CYLC1: variants seen among roughly 807,000 people sequenced by gnomAD.
CYLC1 encodes cylicin-1.
A neutral mutation model predicts 31.6 loss-of-function variants in CYLC1; 2 were observed. The observed-to-expected ratio is 0.06, with a 90% CI of 0.03 to 0.20. The LOEUF (loss-of-function observed/expected upper bound fraction) is 0.20. Among genes scored for constraint, CYLC1 ranks in the 10% least tolerant of loss-of-function variants. CYLC1 has a pLI of 1.00. For missense variants in CYLC1, 595 were observed against 424.1 expected (o/e 1.40, Z -3.54); for synonymous variants, 185 against 153.0 (o/e 1.21, Z -1.54).
chrX:83,874,880 C>T (rs192491956), intron 4 of CYLC1, among the ~76,000 whole-genome samples: 1,313 of 108,931 alleles, frequency 0.012, 21 homozygotes, highest in African/African-American at 0.042. Context: ...TTTAAGAAAA[C>T]GTGAAGTTAT....
In CYLC1 at chrX:83,877,877, CAT is replaced by C. The variant is rs763314367; in HGVS notation, c.1923+3264_1923+3265del. On this transcript the variant is annotated intron_variant, in intron 4 of 4. Coordinates refer to ENST00000329312, the MANE Select transcript of CYLC1 (RefSeq NM_021118.3). ...AGGCAGTGAATCTAGCCTGTTTTTT[CAT>C]ATATATATATATATATACAAATATA... 1.8e-3 allele frequency among the ~76,000 whole-genome samples: 102 copies of C among 57,378 alleles called. 1 individual carries two copies. The highest frequency in any genetic ancestry group is 2.7e-3 in the African/African-American group (44 of 16,017). The allele number at this position is 57,378 out of a possible 115,157, so 49.8% of individuals were successfully genotyped here. A position where few individuals can be genotyped will look rare whatever the true frequency, so the allele number is the denominator to read the frequency against.
chrX:83,864,805 A>C (rs1043379045), intron 1 of CYLC1: 2 of 237,368 alleles, frequency 8.4e-6, no homozygotes, highest in Non-Finnish European at 1.6e-5. Flanking sequence ...CCTTCATGAA[A>C]TATTCTTCTC....
intron 4 of CYLC1, among the ~76,000 whole-genome samples, chrX:83,885,152 T>C (rs955606941): frequency 4.5e-5 from 5 of 111,178 alleles, no homozygotes; most frequent in Admixed American, 3.9e-4. Context: ...ACATTTCTAG[T>C]GCCTCTCCCA....
At chrX:83,871,767 C>T (rs1317694199) in intron 3 of CYLC1, among the ~76,000 whole-genome samples, 197 bp downstream of exon 3, 2 of 110,709 alleles carry the variant, frequency 1.8e-5, no homozygotes, top group Non-Finnish European at 3.8e-5. Flanking sequence ...ACATCAAAGA[C>T]ATTATCTAAG....
chrX:83,874,357 A>G lies in CYLC1; in HGVS notation c.1649A>G (p.Tyr550Cys), dbSNP rs1569334575. Residue 550 changes from tyrosine to cysteine, a missense_variant, in exon 4 of 5, where the codon TAT becomes TGT. By Grantham distance (194) the Tyr-to-Cys change is radical. Coordinates refer to ENST00000329312, the MANE Select transcript of CYLC1 (RefSeq NM_021118.3). ...GSDTESEESL[Y>C]KPGAKKKIDE... is the part of the protein sequence containing the mutation. ...GATACTGAATCTGAAGAGTCACTAT[A>G]TAAACCTGGGGCTAAGAAGAAAATT... The G allele has an allele frequency of 8.3e-7, 1 of 1,208,205 alleles. No individual in the cohort carries two copies. Among genetic ancestry groups the G allele is most frequent in the African/African-American group, 1.8e-5 (1 of 57,104 alleles).
In CYLC1 at chrX:83,874,274, T is replaced by A. The variant is rs758626093; in HGVS notation, c.1566T>A (p.Ala522=). 8.3e-7 allele frequency: 1 copy of A among 1,209,578 alleles called. No homozygotes were observed. Residue 522 remains alanine (A), a synonymous_variant, in exon 4 of 5, where the codon GCT becomes GCA. Transcript: ENST00000329312. ...DARKDTESTD[A]EFDESSKTGF... is the part of the protein sequence containing the mutation. The stretch of plus-strand genomic sequence containing the variant: ...GAAAGGACACAGAGTCTACTGATGC[T>A]GAATTTGATGAATCTTCCAAGACAG...
rs1338506891 is a variant in CYLC1, at chrX:83,871,545, C to T, written c.152C>T (p.Pro51Leu). ...LQRGTNDKSRPLKSQITVTRH... is the reference protein window; with the variant it reads ...LQRGTNDKSRLLKSQITVTRH... ...AGAGGTACAAATGATAAATCAAGAC[C>T]TTTGAAATCACAAATAACAGTTACT... The change falls in exon 3 of 5, where the codon CCT (proline) becomes CTT (leucine). Residue 51 changes from proline (P) to leucine (L), a missense_variant. By Grantham distance (98) the Pro-to-Leu change is moderately conservative (BLOSUM62 -3). Coordinates refer to ENST00000329312, the MANE Select transcript of CYLC1 (RefSeq NM_021118.3). The T allele has an allele frequency of 1.7e-6, 2 of 1,192,262 alleles. No individual in the cohort carries two copies. Among genetic ancestry groups the T allele is most frequent in the Admixed American group, 2.3e-5 (1 of 43,311 alleles).
In CYLC1 at chrX:83,872,973, C is replaced by G; in HGVS notation, c.265C>G (p.Pro89Ala). Residue 89 changes from proline to alanine, a missense_variant, in exon 4 of 5, where the codon CCC (proline) becomes GCC (alanine). By Grantham distance (27) the Pro-to-Ala change is conservative. Transcript: ENST00000329312. ...HSFRKILQWP[P>A]IYTAAREQTP... ...TTTCAGAAAAATTTTGCAATGGCCA[C>G]CCATTTACACAGCTGCCAGGGAACA... 1 of 1,203,770 alleles carries G rather than the reference C, an allele frequency of 8.3e-7. No individual in the cohort carries two copies. The highest frequency in any genetic ancestry group is 1.1e-6 in the Non-Finnish European group (1 of 892,120).
chrX:83,878,445 ATATATATAAAT>A (rs2031855852), intron 4 of CYLC1, among the ~76,000 whole-genome samples: 3 of 52,627 alleles, frequency 5.7e-5, no homozygotes, highest in Non-Finnish European at 9.3e-5. Flanking sequence ...ATATATATAA[ATATATATAAAT>A]ATATATAAAT....
intron 2 of CYLC1, among the ~76,000 whole-genome samples, chrX:83,870,583 TTG>T (rs2031649473): frequency 8.9e-6 from 1 of 111,942 alleles, no homozygotes; most frequent in Non-Finnish European, 1.9e-5. Context: ...ATTCAAAGCA[TTG>T]TTGTAAAGAT....
At chrX:83,881,755 C>T (rs554636243) in intron 4 of CYLC1, among the ~76,000 whole-genome samples, 2 of 99,627 alleles carry the variant, frequency 2.0e-5, no homozygotes, top group South Asian at 9.6e-4. Flanking sequence ...GACAGAGTCT[C>T]GCGCGATCTC....
Position 83,869,890 on chromosome X carries a change from G to T in CYLC1, c.43G>T (p.Asp15Tyr). 1 of 831,807 alleles carries T rather than the reference G, an allele frequency of 1.2e-6. No homozygotes were observed. The highest frequency in any genetic ancestry group is 1.6e-6 in the Non-Finnish European group (1 of 633,498). 68.6% of individuals were successfully genotyped at this position (831,807 alleles called of 1,213,427 possible). A position where few individuals can be genotyped will look rare whatever the true frequency, so the allele number is the denominator to read the frequency against. Reference sequence around the variant, plus strand: ...GCTAAAAGTAAACATCAGAACATATGATAATTCCATTCCAAGTAAGAATTT... The same window carrying T: ...GCTAAAAGTAAACATCAGAACATATTATAATTCCATTCCAAGTAAGAATTT... ...RLLKVNIRTY[D>Y]NSIPISESSR... Residue 15 changes from aspartate (D) to tyrosine (Y), a missense_variant, in exon 2 of 5, where the codon GAT becomes TAT. Coordinates refer to ENST00000329312, the MANE Select transcript of CYLC1 (RefSeq NM_021118.3).
chrX:83,864,662 C>T (rs1200377095), intron 1 of CYLC1: 3 of 310,235 alleles, frequency 9.7e-6, no homozygotes, highest in Non-Finnish European at 1.2e-5. Context: ...GATTCCCAGA[C>T]CCATTACTGG....
At chrX:83,861,674 A>G (rs1433159238) in intron 1 of CYLC1, among the ~76,000 whole-genome samples, 4 of 112,032 alleles carry the variant, frequency 3.6e-5, no homozygotes, top group Non-Finnish European at 7.5e-5. Flanking sequence ...TTCATTAAGT[A>G]GAAGATAAAG....
chrX:83,866,777 A>G (rs1225787394), intron 1 of CYLC1, among the ~76,000 whole-genome samples: 3 of 111,294 alleles, frequency 2.7e-5, no homozygotes, highest in African/African-American at 9.8e-5. Context: ...CCCACTCAGC[A>G]TTCTCTCTGG....
Position 83,873,791 on chromosome X carries a change from G to A in CYLC1, c.1083G>A (p.Lys361=). The change falls in exon 4 of 5, where the codon AAG becomes AAA. Residue 361 remains lysine, a synonymous_variant. Coordinates refer to ENST00000329312, the MANE Select transcript of CYLC1 (RefSeq NM_021118.3). ...AATTAAAGAAAGATGACAAGAAAAA[G>A]GACACAAAGAAGTACCCAGAGTCTA... ...KKKLKKDDKK[K]DTKKYPESTD... 3.4e-6 allele frequency: 4 copies of A among 1,189,199 alleles called. No homozygotes were observed. The highest frequency in any genetic ancestry group is 3.4e-6 in the Non-Finnish European group (3 of 883,358).
intron 4 of CYLC1, among the ~76,000 whole-genome samples, chrX:83,879,205 T>C (rs1482024321): frequency 9.1e-6 from 1 of 110,295 alleles, no homozygotes; most frequent in Non-Finnish European, 1.9e-5. Flanking sequence ...CAATATAAAA[T>C]ACGTAAAGAA....
At chrX:83,875,135 T>C (rs770066924) in intron 4 of CYLC1, among the ~76,000 whole-genome samples, 12 of 111,420 alleles carry the variant, frequency 1.1e-4, no homozygotes, top group Non-Finnish European at 2.1e-4. Flanking sequence ...CTCAAGTGGA[T>C]TTTTTATGAG....
chrX:83,861,401 T>G (rs2031507236), intron 1 of CYLC1, among the ~76,000 whole-genome samples: 1 of 111,459 alleles, frequency 9.0e-6, no homozygotes. Context: ...AGTGCAGTCT[T>G]GTTTACAAAA....
Sources: allele counts gnomAD v4.1 joint callset (sites outside exome capture counted in the v4.1 genomes callset), GRCh38; gene constraint gnomAD v4.1.1; transcripts MANE v1.5; gene names NCBI Gene and HGNC (gene_info 2026-07-23, HGNC 2026-07-21).